The following GRAMD1A variants were observed in gnomAD, a reference collection of about 807,000 sequenced individuals.
GRAMD1A encodes the protein GRAM domain containing 1A.
In GRAMD1A, 50 loss-of-function variants were observed where a neutral mutation model predicts 92.0. The observed-to-expected ratio is 0.54, with a 90% CI of 0.43 to 0.69. The LOEUF is 0.69. Ranked by LOEUF, GRAMD1A falls within the 30% of genes least tolerant of loss-of-function variation. The probability of loss-of-function intolerance (pLI) is 0.00; values close to 1 mark genes in which losing one functional copy is unlikely to be tolerated. For missense variants in GRAMD1A, 819 were observed against 978.9 expected (o/e 0.84, Z 2.18); for synonymous variants, 405 against 403.6 (o/e 1.00, Z -0.04).
intron 13 of GRAMD1A, among the ~76,000 whole-genome samples, chr19:35,020,734 G>A (rs921960322): frequency 6.6e-6 from 1 of 151,542 alleles, no homozygotes; most frequent in Non-Finnish European, 1.5e-5. Context: ...GGAGTGAGGT[G>A]CAACCAGGCC....
upstream of GRAMD1A, among the ~76,000 whole-genome samples, chr19:34,995,570 G>GTTTTTTTTTTTTTTTTTTT (rs1173583059): frequency 2.5e-5 from 2 of 80,956 alleles, 1 homozygote; most frequent in African/African-American, 9.6e-5. Flanking sequence ...TCAGATCACG[G>GTTTTTTTTTTTTTTTTTTT]GTTTTTTTTT....
Position 35,019,515 on chromosome 19 carries a change from G to T in GRAMD1A, c.1457G>T (p.Arg486Leu). The T allele has an allele frequency of 6.2e-7, 1 of 1,613,986 alleles. No individual in the cohort carries two copies. Among genetic ancestry groups the T allele is most frequent in the South Asian group, 1.1e-5 (1 of 91,078 alleles). ...CGCTACTGCATCCTGGGTCTGGCCC[G>T]GAACAAGGCGCGGCTCCGGTGAGTG... The part of the protein sequence containing the change: ...AHRYCILGLA[R>L]NKARLRVSSE... Residue 486 changes from arginine (R) to leucine (L), a missense_variant, in exon 13 of 20, where the codon CGG (arginine) becomes CTG (leucine). Arg to Leu is a moderately radical substitution (Grantham distance 102). Transcript: ENST00000317991.
At chr19:35,010,517 C>T (rs939394236) in intron 6 of GRAMD1A, 138 bp downstream of exon 6, 25 of 659,942 alleles carry the variant, frequency 3.8e-5, no homozygotes, top group Non-Finnish European at 6.0e-5. Flanking sequence ...CCGGCCCAGG[C>T]GCCCATCACC....
At position 35,009,530 on chromosome 19, in the gene GRAMD1A, C is replaced by A. The variant is rs549830806; in HGVS notation, c.240+87C>A. The A allele has an allele frequency of 4.4e-6, 6 of 1,377,502 alleles. No individual in the cohort carries two copies. The Admixed American group carries it at 8.4e-5, about 19-fold the overall frequency. 85.3% of individuals were successfully genotyped at this position (1,377,502 alleles called of 1,614,324 possible). ...CCCAGGCTGCAACAGTCAAGGAGTGCGTGCTGAGATGGAGTGGGTGCAGAC... is the reference window on the plus strand; with the variant it reads ...CCCAGGCTGCAACAGTCAAGGAGTGAGTGCTGAGATGGAGTGGGTGCAGAC... On this transcript the variant is annotated intron_variant, in intron 3 of 19. Coordinates refer to ENST00000317991, the MANE Select transcript of GRAMD1A (RefSeq NM_020895.5).
intron 10 of GRAMD1A, chr19:35,014,759 C>T (rs1416664724): frequency 7.8e-6 from 2 of 257,868 alleles, no homozygotes; most frequent in Non-Finnish European, 1.6e-5. Flanking sequence ...GGTGTGATGG[C>T]TCACACCTGT....
At position 35,009,127 on chromosome 19, in the gene GRAMD1A, C is replaced by T. The variant is rs2015030975; in HGVS notation, c.17C>T (p.Pro6Leu). Reference sequence around the variant, plus strand: ...CCTCTTCCTGCCCCCAGCACCACACCCCACTCTGGCCGGAGCACGCCAAGC... The same window carrying T: ...CCTCTTCCTGCCCCCAGCACCACACTCCACTCTGGCCGGAGCACGCCAAGC... MFDTTPHSGRSTPSSS... is the reference protein window; with the variant it reads MFDTTLHSGRSTPSSS... The change falls in exon 2 of 20, where the codon CCC becomes CTC. Residue 6 changes from proline (P) to leucine (L), a missense_variant. This residue lies in a region of GRAMD1A where 98 missense variants were observed against 84.0 expected (regional missense o/e 1.17). Coordinates refer to ENST00000317991, the MANE Select transcript of GRAMD1A (RefSeq NM_020895.5). 6.2e-7 allele frequency: 1 copy of T among 1,611,844 alleles called. No individual in the cohort carries two copies. The highest frequency in any genetic ancestry group is 1.1e-5 in the South Asian group (1 of 91,026).
chr19:35,023,790 G>A lies in GRAMD1A; in HGVS notation c.2082+243G>A, dbSNP rs73929260. On this transcript the variant is annotated intron_variant, in intron 19 of 19. Transcript: ENST00000317991. ...TCCAGAGGCGTCTCACATTAGGCACGGCCGGGTTTGGTCACTCAATGGCAG... is the reference window on the plus strand; with the variant it reads ...TCCAGAGGCGTCTCACATTAGGCACAGCCGGGTTTGGTCACTCAATGGCAG... 8.9e-3 allele frequency: 3,795 copies of A among 428,154 alleles called. 121 individuals are homozygous for A. Among genetic ancestry groups the A allele is most frequent in the African/African-American group, 0.069 (3,453 of 49,906 alleles). 26.5% of individuals were successfully genotyped at this position (428,154 alleles called of 1,614,324 possible).
At chr19:35,005,327 G>A (rs117868756) in intron 1 of GRAMD1A, among the ~76,000 whole-genome samples, 4,698 of 150,860 alleles carry the variant, frequency 0.031, 134 homozygotes, top group South Asian at 0.064. Flanking sequence ...GGTAGGGGGT[G>A]TTAAATAGGG....
Position 35,010,330 on chromosome 19 carries a change from C to A in GRAMD1A, c.476C>A (p.Thr159Lys). Reference sequence around the variant, plus strand: ...GTGACATGTCTGAAGAAGGAAAAGACGGCCAAGCTGATCCCCAACGCCATC... The same window carrying A: ...GTGACATGTCTGAAGAAGGAAAAGAAGGCCAAGCTGATCCCCAACGCCATC... ...KEVTCLKKEK[T>K]AKLIPNAIQI... The change falls in exon 6 of 20, where the codon ACG (threonine) becomes AAG (lysine). Residue 159 changes from threonine to lysine, a missense_variant. By Grantham distance (78) the Thr-to-Lys change is moderately conservative (BLOSUM62 -1). Around this residue, in one of 3 missense-constraint regions of GRAMD1A, gnomAD observed 144 missense variants for 220.3 expected, o/e 0.65. Coordinates refer to ENST00000317991, the MANE Select transcript of GRAMD1A (RefSeq NM_020895.5). 1 of 1,613,842 alleles carries A rather than the reference C, an allele frequency of 6.2e-7. No individual in the cohort carries two copies. The highest frequency in any genetic ancestry group is 8.5e-7 in the Non-Finnish European group (1 of 1,179,676).
intron 10 of GRAMD1A, 125 bp downstream of exon 10, chr19:35,014,512 G>A (rs1450760197): frequency 4.1e-5 from 32 of 773,290 alleles, no homozygotes; most frequent in South Asian, 9.6e-5. Flanking sequence ...GCGTTCAGGC[G>A]CTGTTGCTAG....
In GRAMD1A at chr19:35,014,330, C is replaced by T. The variant is rs778469767; in HGVS notation, c.1012C>T (p.Pro338Ser). 5.6e-6 allele frequency: 9 copies of T among 1,614,050 alleles called. No homozygotes were observed. Among genetic ancestry groups the T allele is most frequent in the Admixed American group, 1.7e-5 (1 of 60,006 alleles). Residue 338 changes from proline to serine, a missense_variant, in exon 10 of 20, where the codon CCC (proline) becomes TCC (serine). This residue lies in a region of GRAMD1A where 577 missense variants were observed against 674.6 expected (regional missense o/e 0.86). Transcript: ENST00000317991. Reference protein sequence around the residue: ...PTTLGPLDLLPSEELLTDTSN... With the variant: ...PTTLGPLDLLSSEELLTDTSN... ...CACCCTGGGCCCCTTGGATCTGCTG[C>T]CCAGTGAGGAGCTATTGACAGACAC...
At position 35,013,666 on chromosome 19, in the gene GRAMD1A, G is replaced by C; in HGVS notation, c.845G>C (p.Arg282Pro). The C allele has an allele frequency of 1.2e-6, 2 of 1,612,318 alleles. No individual in the cohort carries two copies. Among genetic ancestry groups the C allele is most frequent in the Non-Finnish European group, 1.7e-6 (2 of 1,179,252 alleles). ...GGCCATGTCACGCCCAACCTTTCCC[G>C]AGCCAGCAGCGACGCAGACCATGGG... ...RRGHVTPNLS[R>P]ASSDADHGAE... The change falls in exon 9 of 20, where the codon CGA (arginine) becomes CCA (proline). Residue 282 changes from arginine to proline, a missense_variant. Arg to Pro is a moderately radical substitution (Grantham distance 103, BLOSUM62 -2). Transcript: ENST00000317991. The surrounding 1 kb of genome is among the most constrained non-coding windows in gnomAD (Gnocchi z 4.9).
intron 10 of GRAMD1A, chr19:35,015,301 T>C (rs2015544274): frequency 6.5e-6 from 1 of 152,894 alleles, no homozygotes; most frequent in African/African-American, 2.4e-5. Flanking sequence ...AATTTTCAGC[T>C]AGCCTCTATT....
chr19:35,018,134 C>A (rs1421680338), intron 11 of GRAMD1A, among the ~76,000 whole-genome samples: 1 of 151,958 alleles, frequency 6.6e-6, no homozygotes, highest in Non-Finnish European at 1.5e-5. Context: ...ATTATAGGCG[C>A]CCACCGTCAC....
chr19:35,000,139 G>T, upstream of GRAMD1A: 1 of 1,000,840 alleles, frequency 1.0e-6, no homozygotes, highest in South Asian at 4.7e-5. This position sits in a 1 kb window ranked among gnomAD's most constrained non-coding sequence, Gnocchi z 4.9. Context: ...TTCCTTCTCT[G>T]TCTCTCTGCC....
intron 6 of GRAMD1A, 193 bp downstream of exon 6, chr19:35,010,572 C>T: frequency 1.7e-6 from 1 of 604,532 alleles, no homozygotes; most frequent in Non-Finnish European, 3.0e-6. Context: ...TTCCCTGCAA[C>T]CTGTTACCTC....
At position 35,019,457 on chromosome 19, in the gene GRAMD1A, A is replaced by G. The variant is rs778083304; in HGVS notation, c.1399A>G (p.Ile467Val). 1 of 1,613,904 alleles carries G rather than the reference A, an allele frequency of 6.2e-7. No individual in the cohort carries two copies. ...VVDSEVLTQG[I>V]PYQDYFYTAH... ...GGACTCCGAGGTGCTGACGCAGGGCATCCCCTACCAGGACTACTTCTACAC... is the reference window on the plus strand; with the variant it reads ...GGACTCCGAGGTGCTGACGCAGGGCGTCCCCTACCAGGACTACTTCTACAC... Residue 467 changes from isoleucine (I) to valine (V), a missense_variant, in exon 13 of 20, where the codon ATC becomes GTC. Physicochemically the swap from Ile to Val is conservative, Grantham distance 29 (BLOSUM62 3). Around this residue, in one of 3 missense-constraint regions of GRAMD1A, gnomAD observed 577 missense variants for 674.6 expected, o/e 0.86. Coordinates refer to ENST00000317991, the MANE Select transcript of GRAMD1A (RefSeq NM_020895.5).
chr19:35,011,635 T>C, intron 7 of GRAMD1A, 81 bp downstream of exon 7: 1 of 1,000,594 alleles, frequency 1.0e-6, no homozygotes, highest in Non-Finnish European at 1.6e-6. Context: ...CTTGCGGAGC[T>C]GGAGGCAGCC....
In GRAMD1A at chr19:35,006,538, A is replaced by C. The variant is rs1245947151; in HGVS notation, c.9-2581A>C. ...TTTTAAAGTTCCCAACGCCATCCCC[A>C]CAGTCCTTATTACAGTTCGTGTTTG... On this transcript the variant is annotated intron_variant, in intron 1 of 19. Transcript: ENST00000317991. Among the ~76,000 whole-genome samples the C allele has an allele frequency of 1.3e-5, 2 of 152,190 alleles. 1 individual carries two copies. The highest frequency in any genetic ancestry group is 1.3e-4 in the Admixed American group (2 of 15,284).
Sources: allele counts gnomAD v4.1 joint callset (sites outside exome capture counted in the v4.1 genomes callset), GRCh38; gene constraint gnomAD v4.1.1; regional missense constraint gnomAD v4.1.1; non-coding constraint Gnocchi (gnomAD v3.1); transcripts MANE v1.5; gene names NCBI Gene and HGNC (gene_info 2026-07-23, HGNC 2026-07-21).